The following PACRG variants were observed in gnomAD, a reference collection of about 807,000 sequenced individuals.
The protein encoded by PACRG is parkin coregulated gene protein.
In PACRG, 29 loss-of-function variants were observed where a neutral mutation model predicts 29.7. The ratio of observed to expected loss-of-function variants is 0.98; its 90% CI spans 0.73 to 1.33. The LOEUF is 1.33. Ranked by LOEUF, PACRG falls within the 40% of genes most tolerant of loss-of-function variation. The pLI, the probability that PACRG is intolerant of heterozygous loss-of-function variation, is 0.00. For synonymous variants in PACRG, 116 were observed against 118.7 expected (o/e 0.98, Z 0.15); for missense variants, 279 against 316.2 (o/e 0.88, Z 0.89).
At chr6:163,267,153 G>A (rs1479916272) in intron 4 of PACRG, among the ~76,000 whole-genome samples, 1 of 88,084 alleles carries the variant, frequency 1.1e-5, no homozygotes, top group East Asian at 3.8e-4. Flanking sequence ...ACTGGGAGAG[G>A]GGGTCTGCCA....
At chr6:163,076,111 C>T (rs753662309) in intron 3 of PACRG, among the ~76,000 whole-genome samples, 12 of 152,306 alleles carry the variant, frequency 7.9e-5, no homozygotes, top group African/African-American at 2.6e-4. Context: ...TTTACAGCCC[C>T]TGGATTCTGT....
chr6:163,287,291 C>A (rs556713121), intron 4 of PACRG, among the ~76,000 whole-genome samples: 2 of 152,266 alleles, frequency 1.3e-5, no homozygotes, highest in South Asian at 4.1e-4. Flanking sequence ...TTTCACTTTG[C>A]AAAATCTGAA....
At chr6:163,233,472 G>A (rs147401318) in intron 4 of PACRG, among the ~76,000 whole-genome samples, 3 of 152,346 alleles carry the variant, frequency 2.0e-5, no homozygotes, top group South Asian at 2.1e-4. Flanking sequence ...ATTACCCTGT[G>A]TGGCTAAATG....
chr6:163,054,936 T>C (rs1338215841), intron 2 of PACRG, among the ~76,000 whole-genome samples: 1 of 151,872 alleles, frequency 6.6e-6, no homozygotes, highest in African/African-American at 2.4e-5. Context: ...AGGCCAGGGA[T>C]TGGAGGGAGG....
chr6:163,019,866 C>G (rs1309016452), intron 2 of PACRG, among the ~76,000 whole-genome samples: 1 of 152,196 alleles, frequency 6.6e-6, no homozygotes, highest in Non-Finnish European at 1.5e-5. Context: ...AATTCTCCCC[C>G]TTTCGCCTAT....
upstream of PACRG, chr6:162,727,579 C>T (rs1013419206): frequency 1.4e-6 from 2 of 1,417,322 alleles, no homozygotes; most frequent in East Asian, 5.0e-5. Flanking sequence ...CACCGGGGGT[C>T]CTGGTCGGCC....
At chr6:162,968,437 T>C (rs2128155358) in intron 2 of PACRG, among the ~76,000 whole-genome samples, 1 of 152,336 alleles carries the variant, frequency 6.6e-6, no homozygotes, top group African/African-American at 2.4e-5. Flanking sequence ...AATGAGACAT[T>C]TGTGGCTAGA....
intron 2 of PACRG, among the ~76,000 whole-genome samples, chr6:162,982,615 G>A (rs1281060596): frequency 6.6e-6 from 1 of 151,906 alleles, no homozygotes; most frequent in Non-Finnish European, 1.5e-5. Flanking sequence ...ATGGTTTTGA[G>A]GGTTCCTTTT....
chr6:163,178,858 C>T (rs1278306120), intron 4 of PACRG, among the ~76,000 whole-genome samples: 1 of 152,154 alleles, frequency 6.6e-6, no homozygotes, highest in East Asian at 1.9e-4. Flanking sequence ...AATTCAGTCT[C>T]TCTGGTGTAT....
At chr6:163,024,981 T>C (rs1224648220) in intron 2 of PACRG, among the ~76,000 whole-genome samples, 1 of 152,196 alleles carries the variant, frequency 6.6e-6, no homozygotes, top group African/African-American at 2.4e-5. Context: ...AAAGCCTTTA[T>C]TGAGATATGG....
At chr6:162,986,577 C>T (rs932837170) in intron 2 of PACRG, among the ~76,000 whole-genome samples, 3 of 152,080 alleles carry the variant, frequency 2.0e-5, no homozygotes, top group Non-Finnish European at 4.4e-5. Context: ...AGATCAAAGA[C>T]TTAAATCTAA....
At chr6:162,743,068 A>G (rs1780722607) in intron 1 of PACRG, among the ~76,000 whole-genome samples, 1 of 152,120 alleles carries the variant, frequency 6.6e-6, no homozygotes, top group African/African-American at 2.4e-5. Context: ...TAACGGTTCT[A>G]ACAAGTGTGA....
At chr6:163,301,633 T>C (rs1048004506) in intron 4 of PACRG, among the ~76,000 whole-genome samples, 6 of 152,210 alleles carry the variant, frequency 3.9e-5, no homozygotes, top group African/African-American at 1.4e-4. Flanking sequence ...AAACTCATTT[T>C]ATTAAACAGT....
At chr6:163,156,479 CG>C (rs1778323159) in intron 4 of PACRG, among the ~76,000 whole-genome samples, 1 of 152,122 alleles carries the variant, frequency 6.6e-6, no homozygotes, top group African/African-American at 2.4e-5. Flanking sequence ...ACGACCGCCA[CG>C]CCCCATGACT....
chr6:162,933,872 G>C (rs1467971812), intron 2 of PACRG, among the ~76,000 whole-genome samples: 1 of 152,180 alleles, frequency 6.6e-6, no homozygotes, highest in Non-Finnish European at 1.5e-5. Flanking sequence ...AGGTGAACAT[G>C]TGTGTGCAGA....
In PACRG at chr6:162,740,631, G is replaced by A. The variant is rs547399073; in HGVS notation, c.156+12240G>A. The stretch of plus-strand genomic sequence containing the variant: ...TTTTTTTTTTTTTTGAGATGGACTC[G>A]CTCAGCCACCCAGGCTGGAGTGCAG... On this transcript the variant is annotated intron_variant, in intron 1 of 4. Coordinates refer to ENST00000366888, the MANE Select transcript of PACRG (RefSeq NM_001080379.2). 2.2e-5 allele frequency among the ~76,000 whole-genome samples: 3 copies of A among 137,388 alleles called. No individual in the cohort carries two copies. In the East Asian group the frequency reaches 6.4e-4, roughly 29 times the overall value. The allele number at this position is 137,388 out of a possible 152,430, so 90.1% of individuals were successfully genotyped here.
chr6:163,099,286 T>C (rs1374870046), intron 4 of PACRG, among the ~76,000 whole-genome samples: 1 of 152,130 alleles, frequency 6.6e-6, no homozygotes, highest in Non-Finnish European at 1.5e-5. Flanking sequence ...CATTTCCCAA[T>C]CAGAGATTGC....
chr6:163,172,581 G>A lies in PACRG; in HGVS notation c.613+83173G>A, dbSNP rs1040425712. Among the ~76,000 whole-genome samples, 11 of 152,146 alleles carry A rather than the reference G, an allele frequency of 7.2e-5. No individual in the cohort carries two copies. The South Asian group carries it at 8.3e-4, about 11-fold the overall frequency. On this transcript the variant is annotated intron_variant, in intron 4 of 4. Coordinates refer to ENST00000366888, the MANE Select transcript of PACRG (RefSeq NM_001080379.2). ...TCTTTTCTGGGAAGAAGAATGCAGC[G>A]TTCATTGATTAACACAATTTCTTGC...
Position 162,814,137 on chromosome 6 carries a change from T to A in PACRG, c.157-10T>A, listed in dbSNP as rs62428960. On this transcript the variant is annotated splice_polypyrimidine_tract_variant and intron_variant, in intron 1 of 4. Coordinates refer to ENST00000366888, the MANE Select transcript of PACRG (RefSeq NM_001080379.2). ...AAAACCTGATCCCTATTTTTTTTTT[T>A]CCAATTAAGGTGAGAGGCCCTCCAG... 2.1e-5 allele frequency: 34 copies of A among 1,592,484 alleles called. No individual in the cohort carries two copies. Among genetic ancestry groups the A allele is most frequent in the Non-Finnish European group, 2.8e-5 (33 of 1,172,002 alleles).
Sources: allele counts gnomAD v4.1 joint callset (sites outside exome capture counted in the v4.1 genomes callset), GRCh38; gene constraint gnomAD v4.1.1; transcripts MANE v1.5; gene names NCBI Gene and HGNC (gene_info 2026-07-23, HGNC 2026-07-21).